Variants in ZNF721 observed in about 807,000 individuals in gnomAD.
ZNF721 encodes zinc finger protein 721.
Under a neutral mutation model 2.4 loss-of-function variants are expected in ZNF721, and 2 were observed. The ratio of observed to expected loss-of-function variants is 0.82; its 90% CI spans 0.34 to 2.58. The LOEUF (loss-of-function observed/expected upper bound fraction) is 2.58. Among genes scored for constraint, ZNF721 ranks in the 30% most tolerant of loss-of-function variants. The pLI is 0.11. For synonymous variants in ZNF721, 398 were observed against 381.8 expected (o/e 1.04, Z -0.50); for missense variants, 1,187 against 1,085.5 (o/e 1.09, Z -1.31).
chr4:485,772 G>A (rs1363909339), intron 1 of ZNF721, among the ~76,000 whole-genome samples: 9 of 151,994 alleles, frequency 5.9e-5, no homozygotes, highest in South Asian at 2.1e-4. Flanking sequence ...TCAAGAGATC[G>A]AGACCATCCT....
rs781950758 is a variant in ZNF721 at position 442,458 on chromosome 4, T to C, written c.2009A>G (p.Lys670Arg). The change falls in exon 3 of 3, where the codon AAA becomes AGA. Residue 670 changes from lysine (K) to arginine (R), a missense_variant. Coordinates refer to ENST00000511833, the MANE Select transcript of ZNF721 (RefSeq NM_133474.4). ...AAAGGCTTTGCCACACTCTTCACAT[T>C]TGTAACTTTGCTCTCCAGTAAGAAT... ...TKILTGEQSYKCEECGKAFGW... is the reference protein window; with the variant it reads ...TKILTGEQSYRCEECGKAFGW... 1.2e-6 allele frequency: 2 copies of C among 1,613,828 alleles called. No homozygotes were observed. The highest frequency in any genetic ancestry group is 1.7e-6 in the Non-Finnish European group (2 of 1,179,830).
chr4:487,954 G>C (rs538708710), intron 1 of ZNF721, among the ~76,000 whole-genome samples: 3 of 152,318 alleles, frequency 2.0e-5, no homozygotes, highest in African/African-American at 7.2e-5. Flanking sequence ...ACAGTGCCTT[G>C]GAGTGGCCGT....
intron 1 of ZNF721, among the ~76,000 whole-genome samples, chr4:485,689 A>G (rs1409850255): frequency 6.6e-6 from 1 of 152,204 alleles, no homozygotes; most frequent in African/African-American, 2.4e-5. Context: ...GTCTCACTCT[A>G]AAGATTCTGG....
chr4:493,758 G>C (rs1370139965), intron 1 of ZNF721, among the ~76,000 whole-genome samples: 1 of 151,222 alleles, frequency 6.6e-6, no homozygotes, highest in East Asian at 1.9e-4. Flanking sequence ...ACCAATATCA[G>C]TGTCTCATTT....
At chr4:471,593 A>G (rs1553867692) in intron 2 of ZNF721, among the ~76,000 whole-genome samples, 2 of 152,166 alleles carry the variant, frequency 1.3e-5, no homozygotes, top group Non-Finnish European at 2.9e-5. Context: ...ATTTTTAGTT[A>G]TAAGTTGAAT....
intron 1 of ZNF721, among the ~76,000 whole-genome samples, chr4:484,798 G>A (rs139387302): frequency 6.6e-6 from 1 of 152,204 alleles, no homozygotes; most frequent in African/African-American, 2.4e-5. Context: ...CTGTGGTCCT[G>A]TGATCTCGCC....
intron 1 of ZNF721, among the ~76,000 whole-genome samples, chr4:473,242 A>C (rs529342676): frequency 6.6e-6 from 1 of 152,294 alleles, no homozygotes; most frequent in African/African-American, 2.4e-5. Flanking sequence ...AGGTTTGAAA[A>C]GAGTCCATGA....
chr4:493,143 C>A (rs1478834309), intron 1 of ZNF721, among the ~76,000 whole-genome samples: 1 of 148,358 alleles, frequency 6.7e-6, no homozygotes. Context: ...GTTGTGAAAC[C>A]GCCATTGCAA....
intron 2 of ZNF721, among the ~76,000 whole-genome samples, chr4:452,523 A>C (rs1489864447): frequency 6.6e-6 from 1 of 152,162 alleles, no homozygotes; most frequent in African/African-American, 2.4e-5. Flanking sequence ...TTCACTGGGG[A>C]CAGAAAGAGA....
At chr4:460,810 G>A (rs1251564492) in intron 2 of ZNF721, among the ~76,000 whole-genome samples, 4 of 151,962 alleles carry the variant, frequency 2.6e-5, no homozygotes, top group Non-Finnish European at 4.4e-5. Flanking sequence ...CAGAGAATAC[G>A]ATAAACAACT....
chr4:452,385 T>C (rs1326706758), intron 2 of ZNF721, among the ~76,000 whole-genome samples: 1 of 152,214 alleles, frequency 6.6e-6, no homozygotes, highest in Non-Finnish European at 1.5e-5. Flanking sequence ...TACTAGAATT[T>C]GCAACCCCTA....
chr4:468,689 CCTT>C (rs1394006821), intron 2 of ZNF721, among the ~76,000 whole-genome samples: 1 of 152,204 alleles, frequency 6.6e-6, no homozygotes, highest in Non-Finnish European at 1.5e-5. Context: ...CAGCTACAAC[CCTT>C]CTTCTCTGCA....
intron 1 of ZNF721, among the ~76,000 whole-genome samples, chr4:482,053 C>T (rs115491219): frequency 9.9e-5 from 15 of 152,122 alleles, no homozygotes; most frequent in East Asian, 7.7e-4. Flanking sequence ...TATAAATGAC[C>T]GAATTTTGGG....
At chr4:478,953 G>C (rs542061604) in intron 1 of ZNF721, among the ~76,000 whole-genome samples, 76 of 152,148 alleles carry the variant, frequency 5.0e-4, no homozygotes, top group Admixed American at 1.6e-3. Flanking sequence ...TGTATTTTTA[G>C]TAGAGACAGG....
chr4:495,722 C>T (rs1165802726), intron 1 of ZNF721, among the ~76,000 whole-genome samples: 6 of 151,912 alleles, frequency 3.9e-5, no homozygotes, highest in Non-Finnish European at 5.9e-5. Flanking sequence ...CCTGCCTCAG[C>T]CCCCCAAGTA....
chr4:467,567 C>A (rs1553866924), intron 2 of ZNF721, among the ~76,000 whole-genome samples: 1 of 152,218 alleles, frequency 6.6e-6, no homozygotes, highest in Non-Finnish European at 1.5e-5. Flanking sequence ...ACTCCAGAGC[C>A]CATAGACATG....
At chr4:487,671 A>G (rs1226606085) in intron 1 of ZNF721, among the ~76,000 whole-genome samples, 1 of 152,122 alleles carries the variant, frequency 6.6e-6, no homozygotes, top group African/African-American at 2.4e-5. Flanking sequence ...TTTTTCCTTT[A>G]TTTAAAGTTA....
intron 1 of ZNF721, among the ~76,000 whole-genome samples, chr4:486,715 G>T (rs1190888283): frequency 3.9e-5 from 6 of 152,210 alleles, no homozygotes; most frequent in Non-Finnish European, 7.3e-5. Flanking sequence ...AGAGTTTGCA[G>T]ATATGATCAG....
chr4:442,363 ACT>A lies in ZNF721; in HGVS notation c.2102_2103del (p.Glu701ValfsTer6). ...HTGEKPYKCE[E>X]CGKAFSRSRN... The stretch of plus-strand genomic sequence containing the variant: ...CTTGACCTACTAAAGGCTTTGCCAC[ACT>A]CTTCACATTTGTAAGGTTTTTCTCC... On this transcript the variant is annotated frameshift_variant, in exon 3 of 3. Transcript: ENST00000511833. LOFTEE classifies it low-confidence loss of function (END_TRUNC). 6 of 1,613,872 alleles carry A rather than the reference ACT, an allele frequency of 3.7e-6. No individual in the cohort carries two copies. The highest frequency in any genetic ancestry group is 5.1e-6 in the Non-Finnish European group (6 of 1,179,910).
Sources: gnomAD v4.1 joint callset for allele counts (sites outside exome capture counted in the v4.1 genomes callset) on GRCh38, gnomAD v4.1.1 for gene constraint, MANE v1.5 for transcripts, NCBI Gene and HGNC (gene_info 2026-07-23, HGNC 2026-07-21) for gene names.